Variants in FAM168B observed in about 807,000 individuals in gnomAD.
The protein encoded by FAM168B is myelin-associated neurite-outgrowth inhibitor.
In FAM168B, 19 loss-of-function variants were observed where a neutral mutation model predicts 21.8. That is an observed-to-expected ratio of 0.87 (90% CI 0.61 to 1.28). The LOEUF (loss-of-function observed/expected upper bound fraction) is 1.28, where lower values mean the gene tolerates loss of function less well. FAM168B is among the 50% of genes most tolerant of loss of function. FAM168B has a pLI of 0.00. For synonymous variants in FAM168B, 126 were observed against 104.8 expected (o/e 1.20, Z -1.24); for missense variants, 233 against 263.1 (o/e 0.89, Z 0.79).
intron 3 of FAM168B, among the ~76,000 whole-genome samples, chr2:131,065,788 C>CAAAAAAAA (rs1377282460): frequency 3.5e-5 from 2 of 57,492 alleles, no homozygotes; most frequent in Admixed American, 2.0e-4. Flanking sequence ...GACTCCAGCT[C>CAAAAAAAA]AAAAAAAAAA....
At chr2:131,053,188 T>C (rs1691802704) in intron 5 of FAM168B, among the ~76,000 whole-genome samples, 173 bp from the exon 6 acceptor site, 2 of 152,208 alleles carry the variant, frequency 1.3e-5, no homozygotes, top group South Asian at 4.1e-4. Context: ...ACCCAAAAGT[T>C]GTCTCCACAC....
chr2:131,063,576 C>G (rs1051922134), intron 3 of FAM168B, among the ~76,000 whole-genome samples: 1 of 152,142 alleles, frequency 6.6e-6, no homozygotes, highest in Non-Finnish European at 1.5e-5. Context: ...TCCAAGAGTT[C>G]TGAGACTGGC....
chr2:131,080,762 C>A (rs183869180), intron 2 of FAM168B, among the ~76,000 whole-genome samples: 1 of 151,518 alleles, frequency 6.6e-6, no homozygotes, highest in African/African-American at 2.4e-5. Context: ...CTCCACCTCC[C>A]GGGTTCACGC....
intron 3 of FAM168B, among the ~76,000 whole-genome samples, chr2:131,062,260 C>T (rs570217142): frequency 6.6e-6 from 1 of 152,300 alleles, no homozygotes; most frequent in Non-Finnish European, 1.5e-5. Flanking sequence ...AGTCTCTCAG[C>T]CACAAGTGCT....
chr2:131,048,408 G>A lies in FAM168B; in HGVS notation c.*4057C>T. The A allele has an allele frequency of 7.9e-7, 1 of 1,264,018 alleles. No homozygotes were observed. The highest frequency in any genetic ancestry group is 1.3e-5 in the South Asian group (1 of 76,042). The allele number at this position is 1,264,018 out of a possible 1,614,324, so 78.3% of individuals were successfully genotyped here. A position where few individuals can be genotyped will look rare whatever the true frequency, so the allele number is the denominator to read the frequency against. On this transcript the variant is annotated 3_prime_UTR_variant, in exon 7 of 7. Coordinates refer to ENST00000389915, the MANE Select transcript of FAM168B (RefSeq NM_001009993.4). ...AGCACACCACCCTTCTGCAGGCCCG[G>A]GGGGGGGTCCCTACACAGACGCCGC...
chr2:131,071,828 C>T, intron 3 of FAM168B, 27 bp downstream of exon 3: 2 of 1,598,318 alleles, frequency 1.3e-6, no homozygotes, highest in Non-Finnish European at 1.7e-6. Context: ...GCTGTACGTA[C>T]AAAGCATTTT....
chr2:131,078,856 C>T (rs1332308858), intron 2 of FAM168B, among the ~76,000 whole-genome samples: 1 of 151,858 alleles, frequency 6.6e-6, no homozygotes, highest in African/African-American at 2.4e-5. Context: ...CATGGTAGCG[C>T]ACACCTGTAG....
intron 3 of FAM168B, among the ~76,000 whole-genome samples, chr2:131,066,140 C>T (rs1024177450): frequency 3.3e-5 from 5 of 151,596 alleles, no homozygotes; most frequent in African/African-American, 1.2e-4. Flanking sequence ...ATCACTCCAT[C>T]ACTCTTTGCA....
intron 3 of FAM168B, among the ~76,000 whole-genome samples, chr2:131,056,922 T>C (rs1692055908): frequency 6.6e-6 from 1 of 152,194 alleles, no homozygotes; most frequent in Admixed American, 6.5e-5. Flanking sequence ...CAGAGGGGCA[T>C]GCGAGAACCT....
rs1177871734 is a variant in FAM168B, at chr2:131,052,911, G to A, written c.580C>T (p.Gln194Ter). ...CTTACATTTGCAGGTGATCACCACTGAGGGGGCACATAGCTGTAAGTGGGC... is the reference window on the plus strand; with the variant it reads ...CTTACATTTGCAGGTGATCACCACTAAGGGGGCACATAGCTGTAAGTGGGC... Reference protein sequence around the residue: ...GTPTYSYVPPQW With the variant: ...GTPTYSYVPP Residue 194 changes from glutamine (Q) to a stop codon, truncating the protein, a stop_gained, in exon 6 of 7, where the codon CAG becomes TAG. Transcript: ENST00000389915. LOFTEE classifies it high-confidence loss of function. 2 of 1,558,086 alleles carry A rather than the reference G, an allele frequency of 1.3e-6. No homozygotes were observed. Among genetic ancestry groups the A allele is most frequent in the Admixed American group, 1.9e-5 (1 of 51,780 alleles).
intron 3 of FAM168B, among the ~76,000 whole-genome samples, chr2:131,071,325 C>T (rs535785899): frequency 1.3e-5 from 2 of 152,278 alleles, no homozygotes; most frequent in East Asian, 1.9e-4. Flanking sequence ...GGAACCAACA[C>T]CAGAGAGTGC....
At position 131,051,198 on chromosome 2, in the gene FAM168B, T is replaced by A; in HGVS notation, c.*1267A>T. 1 of 985,106 alleles carries A rather than the reference T, an allele frequency of 1.0e-6. No homozygotes were observed. The highest frequency in any genetic ancestry group is 1.7e-5 in the African/African-American group (1 of 57,220). 61.0% of individuals were successfully genotyped at this position (985,106 alleles called of 1,614,324 possible). A position where few individuals can be genotyped will look rare whatever the true frequency, so the allele number is the denominator to read the frequency against. ...CAGACAACAGACACTGGCCTCCCCCTCGCCCCATCTCTAAGCGTCCCCTCC... is the reference window on the plus strand; with the variant it reads ...CAGACAACAGACACTGGCCTCCCCCACGCCCCATCTCTAAGCGTCCCCTCC... On this transcript the variant is annotated 3_prime_UTR_variant, in exon 7 of 7. Transcript: ENST00000389915.
chr2:131,061,026 T>C (rs1291614613), intron 3 of FAM168B, among the ~76,000 whole-genome samples: 2 of 151,526 alleles, frequency 1.3e-5, no homozygotes, highest in Non-Finnish European at 3.0e-5. Flanking sequence ...TAATTTTTTT[T>C]TTTTTTGGTA....
intron 2 of FAM168B, among the ~76,000 whole-genome samples, chr2:131,075,534 G>A (rs927961120): frequency 7.4e-5 from 11 of 148,428 alleles, no homozygotes; most frequent in Admixed American, 3.4e-4. Flanking sequence ...TTGCTCTGTC[G>A]CCCAGGCTGG....
intron 3 of FAM168B, among the ~76,000 whole-genome samples, chr2:131,070,482 G>A (rs575286733): frequency 6.6e-6 from 1 of 152,218 alleles, no homozygotes; most frequent in East Asian, 1.9e-4. Flanking sequence ...TTGGAAGACA[G>A]TTTGGCAGTT....
intron 5 of FAM168B, among the ~76,000 whole-genome samples, chr2:131,054,389 T>C (rs1286231001): frequency 6.6e-6 from 1 of 152,184 alleles, no homozygotes; most frequent in East Asian, 1.9e-4. Flanking sequence ...CCCAACCTGG[T>C]GCCTGCTGCC....
At chr2:131,070,459 T>C (rs990730788) in intron 3 of FAM168B, among the ~76,000 whole-genome samples, 9 of 152,192 alleles carry the variant, frequency 5.9e-5, no homozygotes, top group Non-Finnish European at 1.0e-4. Flanking sequence ...GAATGTAAAA[T>C]GGTACCACCA....
At chr2:131,066,021 G>A (rs1029504406) in intron 3 of FAM168B, among the ~76,000 whole-genome samples, 2 of 152,026 alleles carry the variant, frequency 1.3e-5, no homozygotes, top group Non-Finnish European at 2.9e-5. Context: ...TGGGTCGAAA[G>A]GGTTCATTTT....
Position 131,074,647 on chromosome 2 carries a change from A to C in FAM168B, c.71-2709T>G, listed in dbSNP as rs77891747. Among the ~76,000 whole-genome samples, 1,360 of 152,290 alleles carry C rather than the reference A, an allele frequency of 8.9e-3. 21 individuals are homozygous for C. Among genetic ancestry groups the C allele is most frequent in the African/African-American group, 0.031 (1,308 of 41,560 alleles). ...TACAGCACTTGGACTGGGATTTTTA[A>C]GGTGTTACGATCCCTTAGGAACAAA... On this transcript the variant is annotated intron_variant, in intron 2 of 6. Transcript: ENST00000389915.
Sources: gnomAD v4.1 joint callset for allele counts (sites outside exome capture counted in the v4.1 genomes callset) on GRCh38, gnomAD v4.1.1 for gene constraint, MANE v1.5 for transcripts, NCBI Gene and HGNC (gene_info 2026-07-23, HGNC 2026-07-21) for gene names.